Variants in MXRA5 observed in about 807,000 individuals in gnomAD.
The protein encoded by MXRA5 is matrix-remodeling-associated protein 5.
A neutral mutation model predicts 112.5 loss-of-function variants in MXRA5; 41 were observed. The ratio of observed to expected loss-of-function variants is 0.36; its 90% CI spans 0.28 to 0.47. The LOEUF is 0.47. MXRA5 is among the 20% of genes least tolerant of loss of function. The pLI is 0.99. For missense variants in MXRA5, 2,150 were observed against 2,251.0 expected, an observed-to-expected ratio of 0.96 and a Z score of 0.91; for synonymous variants, 862 against 900.8, an observed-to-expected ratio of 0.96 and a Z score of 0.77.
At chrX:3,344,469 A>G (rs1321487597) in intron 1 of MXRA5, among the ~76,000 whole-genome samples, 1 of 111,490 alleles carries the variant, frequency 9.0e-6, no homozygotes, top group East Asian at 2.8e-4. Context: ...AGTTTTTTTG[A>G]TGATATAGAG....
chrX:3,318,067 G>A, intron 5 of MXRA5, 64 bp from the exon 6 acceptor site: 1 of 948,081 alleles, frequency 1.1e-6, no homozygotes, highest in Non-Finnish European at 1.4e-6. Flanking sequence ...GCTCAAACGA[G>A]CAGTATTAGT....
chrX:3,309,826 C>G lies in MXRA5; in HGVS notation c.8377G>C (p.Gly2793Arg), dbSNP rs1426937968. ...LYGNRFLHPQGSLTIQHATQR... is the reference protein window; with the variant it reads ...LYGNRFLHPQRSLTIQHATQR... Reference sequence around the variant, plus strand: ...GTGGCATGCTGGATGGTCAGTGATCCCTGGGGGTGAAGAAATCTGTTTCCA... The same window carrying G: ...GTGGCATGCTGGATGGTCAGTGATCGCTGGGGGTGAAGAAATCTGTTTCCA... Residue 2793 changes from glycine to arginine, a missense_variant, in exon 7 of 7, where the codon GGA becomes CGA. Physicochemically the swap from Gly to Arg is moderately radical, Grantham distance 125. Coordinates refer to ENST00000217939, the MANE Select transcript of MXRA5 (RefSeq NM_015419.4). 6 of 1,211,402 alleles carry G rather than the reference C, an allele frequency of 5.0e-6. No individual in the cohort carries two copies. Among genetic ancestry groups the G allele is most frequent in the Non-Finnish European group, 5.6e-6 (5 of 895,426 alleles).
chrX:3,330,786 A>G lies in MXRA5; in HGVS notation c.189-13T>C. The G allele has an allele frequency of 9.9e-7, 1 of 1,015,019 alleles. No individual in the cohort carries two copies. The highest frequency in any genetic ancestry group is 1.3e-6 in the Non-Finnish European group (1 of 754,712). The allele number at this position is 1,015,019 out of a possible 1,213,427, so 83.6% of individuals were successfully genotyped here. A position where few individuals can be genotyped will look rare whatever the true frequency, so the allele number is the denominator to read the frequency against. ...TATGCTATTAAACCTAAAGAATGGT[A>G]ATAATAATAATAACAATAATAATAA... On this transcript the variant is annotated splice_polypyrimidine_tract_variant and intron_variant, in intron 2 of 6. Transcript: ENST00000217939.
At position 3,311,117 on chromosome X, in the gene MXRA5, G is replaced by A. The variant is rs142440634; in HGVS notation, c.7086C>T (p.Asp2362=). ...TGGCCTCACAGGCTACAGTGACCAC[G>A]TCTCCATAGGGCACCTGAACCGCCA... ...TYLAVQVPYG[D]VVTVACEAKG... The change falls in exon 7 of 7, where the codon GAC becomes GAT. Residue 2362 remains aspartate, a synonymous_variant. Coordinates refer to ENST00000217939, the MANE Select transcript of MXRA5 (RefSeq NM_015419.4). The A allele has an allele frequency of 1.7e-5, 21 of 1,209,563 alleles. No individual in the cohort carries two copies. Among genetic ancestry groups the A allele is most frequent in the African/African-American group, 3.5e-5 (2 of 57,000 alleles).
chrX:3,313,291 G>A (rs1385915593), intron 6 of MXRA5, among the ~76,000 whole-genome samples: 2 of 112,056 alleles, frequency 1.8e-5, no homozygotes, highest in South Asian at 3.7e-4. Context: ...ATGGAGTCTC[G>A]CTCTGTCACC....
At chrX:3,313,524 T>G (rs1379253225) in intron 6 of MXRA5, among the ~76,000 whole-genome samples, 1 of 112,113 alleles carries the variant, frequency 8.9e-6, no homozygotes, top group Admixed American at 9.4e-5. Flanking sequence ...CCTCCCAAAG[T>G]GCTGGGATTA....
chrX:3,330,849 G>A lies in MXRA5; in HGVS notation c.189-76C>T, dbSNP rs1921648628. ...ATAGCGAATACTTAACTCCCATATG[G>A]GAAACATTCCCTAGCCTGCCCAAGA... On this transcript the variant is annotated intron_variant, in intron 2 of 6. Transcript: ENST00000217939. The A allele has an allele frequency of 4.0e-6, 3 of 744,714 alleles. No individual in the cohort carries two copies. The South Asian group carries it at 1.2e-4, about 30-fold the overall frequency. The allele number at this position is 744,714 out of a possible 1,213,427, so 61.4% of individuals were successfully genotyped here.
rs1225462178 is a variant in MXRA5 at position 3,341,190 on chromosome X, TA to T, written c.188+2455del. 5.3e-3 allele frequency among the ~76,000 whole-genome samples: 280 copies of T among 53,250 alleles called. 3 individuals are homozygous for T. The highest frequency in any genetic ancestry group is 0.02 in the African/African-American group (271 of 13,814). The allele number at this position is 53,250 out of a possible 115,157, so 46.2% of individuals were successfully genotyped here. On this transcript the variant is annotated intron_variant, in intron 2 of 6. Coordinates refer to ENST00000217939, the MANE Select transcript of MXRA5 (RefSeq NM_015419.4). ...TTATATACATAATATATATAATATA[TA>T]ATTATTATATATAATATATAATAAT...
At position 3,317,432 on chromosome X, in the gene MXRA5, G is replaced by A; in HGVS notation, c.6249C>T (p.Leu2083=). 6 of 1,199,889 alleles carry A rather than the reference G, an allele frequency of 5.0e-6. No individual in the cohort carries two copies. Among genetic ancestry groups the A allele is most frequent in the Non-Finnish European group, 6.7e-6 (6 of 889,919 alleles). The part of the protein sequence containing the change: ...AAPLPSVRWV[L]GDGTQIRPSQ... ...AGGGGCGGATCTGGGTACCGTCCCC[G>A]AGCACCCAGCGCACGCTGGGCAGGG... The change falls in exon 6 of 7, where the codon CTC becomes CTT. Residue 2083 remains leucine (L), a synonymous_variant. Coordinates refer to ENST00000217939, the MANE Select transcript of MXRA5 (RefSeq NM_015419.4).
At chrX:3,326,187 A>AATTATAT (rs1440455822) in intron 4 of MXRA5, among the ~76,000 whole-genome samples, 4 of 53,941 alleles carry the variant, frequency 7.4e-5, no homozygotes, top group African/African-American at 2.9e-4. Flanking sequence ...TATAATTTAT[A>AATTATAT]ATTATAAGTT....
chrX:3,324,074 A>G lies in MXRA5; in HGVS notation c.1611T>C (p.Ser537=), dbSNP rs751272022. 24 of 1,204,690 alleles carry G rather than the reference A, an allele frequency of 2.0e-5. No individual in the cohort carries two copies. In the African/African-American group the frequency reaches 3.9e-4, roughly 19 times the overall value. The change falls in exon 5 of 7, where the codon AGT becomes AGC. Residue 537 remains serine, a synonymous_variant. Coordinates refer to ENST00000217939, the MANE Select transcript of MXRA5 (RefSeq NM_015419.4). ...CCATGGACTTGATCCTCAGCCAGCC[A>G]CTGCTGAGAATGGAGAACTTGCTGT... ...DPDSKFSILS[S]GWLRIKSMEP... is the part of the protein sequence containing the mutation.
intron 4 of MXRA5, among the ~76,000 whole-genome samples, chrX:3,329,286 C>CAAGGAAGGAAGG (rs1921593274): frequency 8.1e-5 from 2 of 24,795 alleles, no homozygotes; most frequent in Non-Finnish European, 1.7e-4. Context: ...AGGAAGGAAG[C>CAAGGAAGGAAGG]AAGGAAAAAA....
rs781580051 is a variant in MXRA5 at position 3,321,078 on chromosome X, T to C, written c.4607A>G (p.Asn1536Ser). 7 of 1,211,756 alleles carry C rather than the reference T, an allele frequency of 5.8e-6. No individual in the cohort carries two copies. In the Admixed American group the frequency reaches 8.7e-5, roughly 15 times the overall value. Reference protein sequence around the residue: ...KENVFLNYVGNPETEATPVNN... With the variant: ...KENVFLNYVGSPETEATPVNN... The stretch of plus-strand genomic sequence containing the variant: ...CACTGGGGTTGCTTCTGTTTCTGGA[T>C]TCCCCACATAATTCAAGAAAACATT... The change falls in exon 5 of 7, where the codon AAT becomes AGT. Residue 1536 changes from asparagine to serine, a missense_variant. Physicochemically the swap from Asn to Ser is conservative, Grantham distance 46. This residue lies in a region of MXRA5 where 1,485 missense variants were observed against 1,471.6 expected (regional missense o/e 1.01). Transcript: ENST00000217939.
chrX:3,333,924 AG>A (rs1921727029), intron 2 of MXRA5, among the ~76,000 whole-genome samples: 2 of 111,534 alleles, frequency 1.8e-5, no homozygotes, highest in Admixed American at 9.5e-5. Context: ...GGGTGGGGAA[AG>A]GAGGTCCCAG....
chrX:3,326,863 G>A (rs939849448), intron 4 of MXRA5, among the ~76,000 whole-genome samples: 16 of 111,253 alleles, frequency 1.4e-4, no homozygotes, highest in African/African-American at 2.3e-4. Flanking sequence ...CCATCCACCC[G>A]CCAGTGATGA....
At chrX:3,326,177 T>G (rs1921496611) in intron 4 of MXRA5, among the ~76,000 whole-genome samples, 1 of 99,305 alleles carries the variant, frequency 1.0e-5, no homozygotes, top group African/African-American at 3.7e-5. Context: ...ATTTATAATA[T>G]ATAATTTATA....
chrX:3,327,339 C>T (rs1045883259), intron 4 of MXRA5, among the ~76,000 whole-genome samples: 1 of 112,059 alleles, frequency 8.9e-6, no homozygotes, highest in African/African-American at 3.2e-5. Context: ...TACCCACACA[C>T]ATACATGCTG....
chrX:3,318,094 T>C (rs1243447756), intron 5 of MXRA5, 91 bp from the exon 6 acceptor site: 81 of 764,917 alleles, frequency 1.1e-4, no homozygotes, highest in Non-Finnish European at 1.5e-4. Context: ...AATTCTCCAC[T>C]TTAACACCCA....
At position 3,321,891 on chromosome X, in the gene MXRA5, T is replaced by C. The variant is rs1216179750; in HGVS notation, c.3794A>G (p.His1265Arg). Residue 1265 changes from histidine (H) to arginine (R), a missense_variant, in exon 5 of 7, where the codon CAT (histidine) becomes CGT (arginine). Physicochemically the swap from His to Arg is conservative, Grantham distance 29 (BLOSUM62 0). Around this residue, in one of 6 missense-constraint regions of MXRA5, gnomAD observed 1,485 missense variants for 1,471.6 expected, o/e 1.01. Transcript: ENST00000217939. The stretch of plus-strand genomic sequence containing the variant: ...TGAACTGGGAGTAACAATGTTTCTA[T>C]GTTTATTTTCTGGAGAAGGGCTGGG... Reference protein sequence around the residue: ...SKPSPSPENKHRNIVTPSSET... With the variant: ...SKPSPSPENKRRNIVTPSSET... 4 of 1,211,250 alleles carry C rather than the reference T, an allele frequency of 3.3e-6. No homozygotes were observed. Among genetic ancestry groups the C allele is most frequent in the Non-Finnish European group, 4.5e-6 (4 of 895,277 alleles).
Sources: allele counts gnomAD v4.1 joint callset (sites outside exome capture counted in the v4.1 genomes callset), GRCh38; gene constraint gnomAD v4.1.1; regional missense constraint gnomAD v4.1.1; transcripts MANE v1.5; gene names NCBI Gene and HGNC (gene_info 2026-07-23, HGNC 2026-07-21).